TGFBR3: variants seen among roughly 807,000 people sequenced by gnomAD.
The protein encoded by TGFBR3 is transforming growth factor beta receptor type 3.
TGFBR3 carries 46 observed loss-of-function variants against 87.9 expected under a neutral mutation model. The observed-to-expected ratio is 0.52, with a 90% CI of 0.41 to 0.67. The LOEUF is 0.67. Among genes scored for constraint, TGFBR3 ranks in the 30% least tolerant of loss-of-function variants. The probability of loss-of-function intolerance (pLI) is 0.00; values close to 1 mark genes in which losing one functional copy is unlikely to be tolerated. For missense variants in TGFBR3, 866 were observed against 1,041.9 expected (o/e 0.83, Z 2.32); for synonymous variants, 381 against 391.6 (o/e 0.97, Z 0.32).
At chr1:91,700,424 A>G (rs1001672671) in intron 14 of TGFBR3, among the ~76,000 whole-genome samples, 15 of 152,200 alleles carry the variant, frequency 9.9e-5, no homozygotes, top group Non-Finnish European at 2.2e-4. Context: ...AGAATTGTAA[A>G]TTCTCAGGAT....
At chr1:91,894,407 CT>C (rs1198287743) in intron 2 of TGFBR3, among the ~76,000 whole-genome samples, 1 of 152,178 alleles carries the variant, frequency 6.6e-6, no homozygotes, top group East Asian at 1.9e-4. Flanking sequence ...CACCTTACCC[CT>C]ATTTCTCTAC....
rs11466600 is a variant in TGFBR3, at chr1:91,716,735, T to C, written c.1567-27A>G. 7.6e-3 allele frequency: 12,229 copies of C among 1,613,932 alleles called. 810 individuals carry two copies. The African/African-American group carries it at 0.14, about 19-fold the overall frequency. ...TAAAAGGCAAAGAAAGCACAGCCAA[T>C]GTTATAAAAACACCAAACCATGTGT... On this transcript the variant is annotated intron_variant, in intron 10 of 16. Transcript: ENST00000212355.
intron 16 of TGFBR3, among the ~76,000 whole-genome samples, chr1:91,686,385 A>T (rs1416185115): frequency 6.6e-6 from 1 of 152,210 alleles, no homozygotes; most frequent in African/African-American, 2.4e-5. Flanking sequence ...TCAAGACTGC[A>T]GGATGCATCT....
At chr1:91,856,302 G>A (rs1032855979) in intron 2 of TGFBR3, among the ~76,000 whole-genome samples, 2 of 152,076 alleles carry the variant, frequency 1.3e-5, no homozygotes, top group African/African-American at 4.8e-5. Flanking sequence ...TCCTGACCTC[G>A]TAATCTGCCC....
At chr1:91,690,286 T>G (rs1466971354) in intron 16 of TGFBR3, among the ~76,000 whole-genome samples, 2 of 152,132 alleles carry the variant, frequency 1.3e-5, no homozygotes, top group African/African-American at 2.4e-5. Context: ...GATCTGCCCT[T>G]CCTAATCCAG....
chr1:91,698,269 T>C (rs1023090986), intron 14 of TGFBR3, 139 bp from the exon 15 acceptor site: 9 of 772,926 alleles, frequency 1.2e-5, no homozygotes, highest in Admixed American at 4.1e-5. Context: ...TGATCCTCTT[T>C]AGATATCAAA....
chr1:91,694,971 C>A (rs952279246), intron 16 of TGFBR3, among the ~76,000 whole-genome samples: 1 of 152,162 alleles, frequency 6.6e-6, no homozygotes, highest in African/African-American at 2.4e-5. Context: ...CCTTTGCTGG[C>A]CTGCATTCTG....
At position 91,884,334 on chromosome 1, in the gene TGFBR3, A is replaced by T. The variant is rs77517146; in HGVS notation, c.-114+1544T>A. 2.0e-5 allele frequency among the ~76,000 whole-genome samples: 3 copies of T among 151,824 alleles called. No individual in the cohort carries two copies. The East Asian group carries it at 5.8e-4, about 29-fold the overall frequency. On this transcript the variant is annotated intron_variant, in intron 1 of 16. Transcript: ENST00000212355. Reference sequence around the variant, plus strand: ...ACTCTGTCACCAAAAAAAAAAAAAAATTTCCATGTTAATTAATACAAGTCA... The same window carrying T: ...ACTCTGTCACCAAAAAAAAAAAAAATTTTCCATGTTAATTAATACAAGTCA...
chr1:91,704,241 G>A (rs1219470760), intron 14 of TGFBR3, among the ~76,000 whole-genome samples: 1 of 151,264 alleles, frequency 6.6e-6, no homozygotes, highest in African/African-American at 2.4e-5. Context: ...GGCAGGAGAA[G>A]CGCTTGAACC....
intron 12 of TGFBR3, among the ~76,000 whole-genome samples, chr1:91,714,511 G>C (rs370571847): frequency 8.6e-5 from 13 of 152,018 alleles, no homozygotes; most frequent in African/African-American, 3.1e-4. Flanking sequence ...AGAAATATAG[G>C]TGATATATGA....
chr1:91,780,362 C>A (rs149822782), intron 3 of TGFBR3, among the ~76,000 whole-genome samples: 4 of 152,180 alleles, frequency 2.6e-5, no homozygotes, highest in Admixed American at 6.5e-5. Flanking sequence ...TCTGGTAAGA[C>A]AATATGTCAA....
At chr1:91,862,233 T>C (rs1023689813) in intron 1 of TGFBR3, among the ~76,000 whole-genome samples, 1 of 152,172 alleles carries the variant, frequency 6.6e-6, no homozygotes, top group African/African-American at 2.4e-5. Flanking sequence ...ACCTGAAATA[T>C]AACACCACCA....
chr1:91,839,071 G>C (rs139173128), intron 2 of TGFBR3, among the ~76,000 whole-genome samples: 4 of 152,102 alleles, frequency 2.6e-5, no homozygotes, highest in Non-Finnish European at 5.9e-5. Context: ...CTGACCTTCC[G>C]GGCTCAAGAG....
Position 91,898,777 on chromosome 1 carries a change from T to C in TGFBR3, c.-114+860A>G, listed in dbSNP as rs554882390. Among the ~76,000 whole-genome samples the C allele has an allele frequency of 1.4e-4, 22 of 152,250 alleles. 1 individual carries two copies. Among genetic ancestry groups the C allele is most frequent in the Middle Eastern group, 3.4e-3 (1 of 294 alleles). ...TTTGACAAATTTGTTATCTTTCCTA[T>C]AAGAAATAAAATATTACAGCCGGGC... On this transcript the variant is annotated intron_variant, in intron 2 of 17. Coordinates refer to the TGFBR3 transcript ENST00000370399.
Position 91,841,981 on chromosome 1 carries a change from G to A in TGFBR3, c.61+19490C>T, listed in dbSNP as rs187983067. Among the ~76,000 whole-genome samples the A allele has an allele frequency of 2.6e-3, 401 of 151,362 alleles. 2 individuals carry two copies. Among genetic ancestry groups the A allele is most frequent in the African/African-American group, 9.5e-3 (390 of 41,226 alleles). Reference sequence around the variant, plus strand: ...CCAAGCATGGTGGTGTGCACCTGTGGCCCCAGCTACTTGAGAGGCTAAGGT... The same window carrying A: ...CCAAGCATGGTGGTGTGCACCTGTGACCCCAGCTACTTGAGAGGCTAAGGT... On this transcript the variant is annotated intron_variant, in intron 2 of 16. Coordinates refer to ENST00000212355, the MANE Select transcript of TGFBR3 (RefSeq NM_003243.5).
chr1:91,895,990 G>A (rs1029238004), intron 2 of TGFBR3, among the ~76,000 whole-genome samples: 6 of 152,034 alleles, frequency 3.9e-5, no homozygotes, highest in African/African-American at 1.4e-4. Flanking sequence ...TACAACCCTG[G>A]TCAAAATACC....
At chr1:91,858,823 A>G (rs1182581106) in intron 2 of TGFBR3, among the ~76,000 whole-genome samples, 1 of 151,950 alleles carries the variant, frequency 6.6e-6, no homozygotes, top group Non-Finnish European at 1.5e-5. Context: ...TCAGAGGCTG[A>G]AGGGGGTGGA....
chr1:91,718,697 T>C (rs1571437691), intron 10 of TGFBR3, among the ~76,000 whole-genome samples: 1 of 152,336 alleles, frequency 6.6e-6, no homozygotes, highest in East Asian at 1.9e-4. Flanking sequence ...AAAATGCAGC[T>C]TAGCTATTGC....
intron 4 of TGFBR3, among the ~76,000 whole-genome samples, chr1:91,755,592 A>G (rs956051880): frequency 6.6e-5 from 10 of 152,190 alleles, no homozygotes; most frequent in African/African-American, 2.4e-4. Context: ...ATCTCCTTAC[A>G]TGGGATTGAT....
Sources: gnomAD v4.1 joint callset for allele counts (sites outside exome capture counted in the v4.1 genomes callset) on GRCh38, gnomAD v4.1.1 for gene constraint, MANE v1.5 for transcripts, NCBI Gene and HGNC (gene_info 2026-07-23, HGNC 2026-07-21) for gene names.